The following GJC1 variants were observed in gnomAD, a reference collection of about 807,000 sequenced individuals.
GJC1 encodes gap junction gamma-1 protein.
GJC1 carries 5 observed loss-of-function variants against 29.3 expected under a neutral mutation model. That is an observed-to-expected ratio of 0.17 (90% CI 0.09 to 0.36). The LOEUF is 0.36. GJC1 is among the 10% of genes least tolerant of loss of function. The probability of loss-of-function intolerance (pLI) is 1.00; values close to 1 mark genes in which losing one functional copy is unlikely to be tolerated. For missense variants in GJC1, 310 were observed against 496.2 expected (o/e 0.62, Z 3.56); for synonymous variants, 177 against 183.3 (o/e 0.97, Z 0.28).
downstream of GJC1, chr17:44,794,215 C>G (rs2049771066): frequency 6.6e-6 from 1 of 152,242 alleles, no homozygotes; most frequent in African/African-American, 2.4e-5. Flanking sequence ...CCAAAGCCCC[C>G]TCCCCAGAGC....
At chr17:44,825,574 A>G (rs866195334) in intron 1 of GJC1, among the ~76,000 whole-genome samples, 3 of 152,230 alleles carry the variant, frequency 2.0e-5, no homozygotes, top group Admixed American at 6.5e-5. Flanking sequence ...CAGGAGTTCG[A>G]GACCAGCCTA....
downstream of GJC1, among the ~76,000 whole-genome samples, chr17:44,796,034 C>T (rs2049781601): frequency 6.6e-6 from 1 of 152,252 alleles, no homozygotes; most frequent in African/African-American, 2.4e-5. Context: ...GGCCAAACTC[C>T]ATGTCATTCT....
At position 44,805,044 on chromosome 17, in the gene GJC1, A is replaced by G; in HGVS notation, c.774T>C (p.Ile258=). ...WEMLHLGFGT[I]RDSLNSKRRE... is the part of the protein sequence containing the mutation. ...TCCTTTTACTGTTTAGTGAGTCTCG[A>G]ATGGTCCCAAACCCTAAATGAAGCA... Residue 258 remains isoleucine, a synonymous_variant, in exon 3 of 3, where the codon ATT becomes ATC. Transcript: ENST00000592524. The surrounding 1 kb of genome is among the most constrained non-coding windows in gnomAD (Gnocchi z 5.1). 1.2e-6 allele frequency: 2 copies of G among 1,614,046 alleles called. No individual in the cohort carries two copies. The highest frequency in any genetic ancestry group is 1.7e-6 in the Non-Finnish European group (2 of 1,180,032).
At chr17:44,811,315 CA>C (rs2049978437) in intron 1 of GJC1, among the ~76,000 whole-genome samples, 1 of 151,780 alleles carries the variant, frequency 6.6e-6, no homozygotes, top group Non-Finnish European at 1.5e-5. Context: ...TCCTGACCCT[CA>C]GGTGATCCAC....
In GJC1 at chr17:44,808,428, TACACACAC is replaced by T. The variant is rs56999580; in HGVS notation, c.-96-967_-96-960del. 3.4e-4 allele frequency among the ~76,000 whole-genome samples: 50 copies of T among 147,530 alleles called. 1 individual carries two copies. Among genetic ancestry groups the T allele is most frequent in the Admixed American group, 7.4e-4 (11 of 14,804 alleles). On this transcript the variant is annotated intron_variant, in intron 1 of 2. Transcript: ENST00000592524. ...GTAGATAGAACAACACCCTGTCTCT[TACACACAC>T]ACACACACACACACACACACACACA...
At chr17:44,820,750 C>T (rs1379133815) in intron 1 of GJC1, among the ~76,000 whole-genome samples, 3 of 152,158 alleles carry the variant, frequency 2.0e-5, no homozygotes, top group Non-Finnish European at 2.9e-5. Context: ...AACGCGACTG[C>T]TTTATGTGCA....
chr17:44,795,458 C>T (rs913036130), downstream of GJC1, among the ~76,000 whole-genome samples: 2 of 152,216 alleles, frequency 1.3e-5, no homozygotes, highest in African/African-American at 4.8e-5. Context: ...GGTCTTGGAA[C>T]TCCTGACCTC....
intron 1 of GJC1, among the ~76,000 whole-genome samples, chr17:44,810,491 C>T (rs574625280): frequency 6.6e-6 from 1 of 152,090 alleles, no homozygotes; most frequent in East Asian, 1.9e-4. Flanking sequence ...AATGCTGAAC[C>T]CTTACAGTCT....
chr17:44,829,607 G>C (rs1242642042), intron 1 of GJC1: 1 of 152,092 alleles, frequency 6.6e-6, no homozygotes, highest in Admixed American at 6.5e-5. Context: ...GATCGAGGTC[G>C]GGGAGACAAA....
At chr17:44,827,127 T>C (rs1300722750) in intron 1 of GJC1, among the ~76,000 whole-genome samples, 2 of 152,078 alleles carry the variant, frequency 1.3e-5, no homozygotes, top group Non-Finnish European at 2.9e-5. Context: ...CTGACCAACA[T>C]GGTGAAACCC....
chr17:44,807,272 T>A (rs1044643787), intron 2 of GJC1, 122 bp downstream of exon 2: 2 of 152,118 alleles, frequency 1.3e-5, no homozygotes, highest in African/African-American at 4.8e-5. Flanking sequence ...ATATGGGAAA[T>A]CCCCAATAAA....
chr17:44,819,426 A>C (rs1348806474), intron 1 of GJC1, among the ~76,000 whole-genome samples: 3 of 152,110 alleles, frequency 2.0e-5, no homozygotes, highest in African/African-American at 7.2e-5. Flanking sequence ...TGGGAGGCCG[A>C]GGCGGGTAGA....
intron 1 of GJC1, among the ~76,000 whole-genome samples, chr17:44,826,029 G>A (rs58424196): frequency 6.6e-6 from 1 of 151,970 alleles, no homozygotes; most frequent in African/African-American, 2.4e-5. Context: ...CAAGCCATTT[G>A]CCTGCCTCAG....
At chr17:44,821,691 C>A (rs1457626578) in intron 1 of GJC1, among the ~76,000 whole-genome samples, 37 of 93,522 alleles carry the variant, frequency 4.0e-4, no homozygotes, top group African/African-American at 1.5e-3. Context: ...GAGGGAAACT[C>A]CGTCTCAAAA....
chr17:44,800,727 AC>A lies in GJC1; in HGVS notation c.*3899del, dbSNP rs2049833726. On this transcript the variant is annotated 3_prime_UTR_variant, in exon 3 of 3. Transcript: ENST00000592524. ...AAGAGCACCAAAGCATCACAGTCCA[AC>A]TTTTTTTTTAAGCGCCAAGTTCAAA... 6.6e-6 allele frequency: 1 copy of A among 152,100 alleles called. No individual in the cohort carries two copies. Among genetic ancestry groups the A allele is most frequent in the African/African-American group, 2.4e-5 (1 of 41,418 alleles). The allele number at this position is 152,100 out of a possible 1,614,324, so 9.4% of individuals were successfully genotyped here. A position where few individuals can be genotyped will look rare whatever the true frequency, so the allele number is the denominator to read the frequency against.
intron 1 of GJC1, among the ~76,000 whole-genome samples, chr17:44,809,866 C>CT (rs781508745): frequency 0.037 from 4,573 of 124,894 alleles, 108 homozygotes; most frequent in Admixed American, 0.095. Context: ...CACGCCCAGC[C>CT]TTTTTTTTTT....
intron 1 of GJC1, among the ~76,000 whole-genome samples, chr17:44,822,414 G>A (rs1207962727): frequency 6.6e-6 from 1 of 151,522 alleles, no homozygotes; most frequent in Non-Finnish European, 1.5e-5. Flanking sequence ...GGCCGAGGCG[G>A]GTGGATCACC....
At chr17:44,815,403 G>C (rs2050030809) in intron 1 of GJC1, among the ~76,000 whole-genome samples, 1 of 152,086 alleles carries the variant, frequency 6.6e-6, no homozygotes, top group Non-Finnish European at 1.5e-5. Flanking sequence ...AATTCTAGGA[G>C]GTGGTATTAT....
At chr17:44,830,931 T>C (rs183625684), upstream of GJC1, 4 of 377,102 alleles carry the variant, frequency 1.1e-5, no homozygotes, top group East Asian at 1.5e-4. The surrounding 1 kb of genome is among the most constrained non-coding windows in gnomAD (Gnocchi z 4.3). Flanking sequence ...AAAATTTTCA[T>C]GCATAGGAAT....
Sources: allele counts gnomAD v4.1 joint callset (sites outside exome capture counted in the v4.1 genomes callset), GRCh38; gene constraint gnomAD v4.1.1; non-coding constraint Gnocchi (gnomAD v3.1); transcripts MANE v1.5; gene names NCBI Gene and HGNC (gene_info 2026-07-23, HGNC 2026-07-21).